KIF1C: variants seen among roughly 807,000 people sequenced by gnomAD.
The protein encoded by KIF1C is kinesin-like protein KIF1C.
Under a neutral mutation model 126.5 loss-of-function variants are expected in KIF1C, and 61 were observed. The observed-to-expected ratio is 0.48, with a 90% CI of 0.39 to 0.60. KIF1C has a LOEUF of 0.60. KIF1C is among the 20% of genes least tolerant of loss of function. KIF1C has a pLI of 0.00. For missense variants in KIF1C, 1,315 were observed against 1,489.2 expected (o/e 0.88, Z 1.93); for synonymous variants, 640 against 580.6 (o/e 1.10, Z -1.47).
chr17:5,002,872 C>T, intron 8 of KIF1C, 30 bp downstream of exon 8: 1 of 1,529,242 alleles, frequency 6.5e-7, no homozygotes, highest in Non-Finnish European at 9.0e-7. Flanking sequence ...CACTCCCCCA[C>T]CGGATGCAAC....
chr17:5,000,408 C>A, intron 3 of KIF1C, 56 bp downstream of exon 3: 2 of 1,205,072 alleles, frequency 1.7e-6, no homozygotes, highest in Non-Finnish European at 2.4e-6. Flanking sequence ...GGGCCCACCA[C>A]ACAGGCCAGT....
rs1975123576 is a variant in KIF1C, at chr17:5,022,806, G to A, written c.2628+97G>A. On this transcript the variant is annotated intron_variant, in intron 22 of 22. Transcript: ENST00000320785. The surrounding 1 kb of genome is among the most constrained non-coding windows in gnomAD (Gnocchi z 4.9). ...CAGAGCCTAACCTTCCCCAAGTCTG[G>A]AAAAAATTGCATTGAAGTATAGTAC... 7.2e-7 allele frequency: 1 copy of A among 1,379,480 alleles called. No homozygotes were observed. Among genetic ancestry groups the A allele is most frequent in the African/African-American group, 1.5e-5 (1 of 68,748 alleles). 85.5% of individuals were successfully genotyped at this position (1,379,480 alleles called of 1,614,324 possible).
Position 5,027,151 on chromosome 17 carries a change from C to T in KIF1C, c.*3000C>T, listed in dbSNP as rs956077227. The T allele has an allele frequency of 2.6e-5, 4 of 152,138 alleles. No homozygotes were observed. Among genetic ancestry groups the T allele is most frequent in the Admixed American group, 6.5e-5 (1 of 15,284 alleles). The allele number at this position is 152,138 out of a possible 1,614,324, so 9.4% of individuals were successfully genotyped here. On this transcript the variant is annotated 3_prime_UTR_variant, in exon 23 of 23. Coordinates refer to ENST00000320785, the MANE Select transcript of KIF1C (RefSeq NM_006612.6). ...ATTTTTATTTATTTATTTTTTGAGA[C>T]GGAGTCTCGCTCTGTTGCCTAGGCT...
intron 14 of KIF1C, 51 bp from the exon 15 acceptor site, chr17:5,007,211 TG>T: frequency 6.3e-7 from 1 of 1,574,972 alleles, no homozygotes; most frequent in African/African-American, 1.4e-5. Flanking sequence ...GTCCCTACCC[TG>T]GGTCTGCTTG....
Position 5,004,595 on chromosome 17 carries a change from A to G in KIF1C, c.969A>G (p.Ala323=), listed in dbSNP as rs1215230440. The change falls in exon 12 of 23, where the codon GCA becomes GCG. Residue 323 remains alanine (A), a synonymous_variant. Coordinates refer to ENST00000320785, the MANE Select transcript of KIF1C (RefSeq NM_006612.6). The part of the protein sequence containing the change: ...LGGNSRTAMI[A]ALSPADINYE... ...GGAACTCACGCACAGCCATGATTGC[A>G]GCCCTGAGCCCTGCTGACATCAATT... 1 of 1,614,138 alleles carries G rather than the reference A, an allele frequency of 6.2e-7. No homozygotes were observed. The highest frequency in any genetic ancestry group is 1.1e-5 in the South Asian group (1 of 91,080).
intron 1 of KIF1C, among the ~76,000 whole-genome samples, chr17:4,998,509 T>A (rs1435154046): frequency 6.6e-6 from 1 of 152,152 alleles, no homozygotes; most frequent in Non-Finnish European, 1.5e-5. Flanking sequence ...GGCCGACCCC[T>A]GTCCCTACCT....
At position 5,020,230 on chromosome 17, in the gene KIF1C, C is replaced by A; in HGVS notation, c.1750+151C>A. The stretch of plus-strand genomic sequence containing the variant: ...AAAGAAGGAACTGGGAAGTGAAGGT[C>A]AAGGAGTCAGGTCTTGGTTTCTCTT... On this transcript the variant is annotated intron_variant, in intron 19 of 22. Coordinates refer to ENST00000320785, the MANE Select transcript of KIF1C (RefSeq NM_006612.6). This position sits in a 1 kb window ranked among gnomAD's most constrained non-coding sequence, Gnocchi z 5.8. 1 of 720,262 alleles carries A rather than the reference C, an allele frequency of 1.4e-6. No homozygotes were observed. Among genetic ancestry groups the A allele is most frequent in the Non-Finnish European group, 2.4e-6 (1 of 412,732 alleles). The allele number at this position is 720,262 out of a possible 1,614,324, so 44.6% of individuals were successfully genotyped here. A position where few individuals can be genotyped will look rare whatever the true frequency, so the allele number is the denominator to read the frequency against.
Position 5,015,582 on chromosome 17 carries a change from C to CTTTT in KIF1C, c.1666+768_1666+771dup, listed in dbSNP as rs58961639. On this transcript the variant is annotated intron_variant, in intron 18 of 22. Transcript: ENST00000320785. Reference sequence around the variant, plus strand: ...TACAGGCGTGAGCCACTGCCCCCAGCTTTTTTTTTTTTTTTTTTTTTTTTT... The same window carrying CTTTT: ...TACAGGCGTGAGCCACTGCCCCCAGCTTTTTTTTTTTTTTTTTTTTTTTTTTTTT... Among the ~76,000 whole-genome samples, 26 of 71,246 alleles carry CTTTT rather than the reference C, an allele frequency of 3.6e-4. 2 individuals are homozygous for CTTTT. Among genetic ancestry groups the CTTTT allele is most frequent in the Middle Eastern group, 0.022 (1 of 46 alleles). The allele number at this position is 71,246 out of a possible 152,430, so 46.7% of individuals were successfully genotyped here. A position where few individuals can be genotyped will look rare whatever the true frequency, so the allele number is the denominator to read the frequency against.
Position 5,024,556 on chromosome 17 carries a change from T to G in KIF1C, c.*405T>G. ...CCCTGTCCGTCTGTCTGTCTGTCTG[T>G]GGTGGTTTCTGTTTCTTGGGAGGCA... is the stretch of plus-strand genomic sequence containing the variant. On this transcript the variant is annotated 3_prime_UTR_variant, in exon 23 of 23. Coordinates refer to ENST00000320785, the MANE Select transcript of KIF1C (RefSeq NM_006612.6). 1 of 175,452 alleles carries G rather than the reference T, an allele frequency of 5.7e-6. No homozygotes were observed. The highest frequency in any genetic ancestry group is 1.2e-5 in the Non-Finnish European group (1 of 83,420). 10.9% of individuals were successfully genotyped at this position (175,452 alleles called of 1,614,324 possible).
intron 16 of KIF1C, chr17:5,011,689 C>T (rs1974870117): frequency 6.6e-6 from 1 of 152,046 alleles, no homozygotes; most frequent in South Asian, 2.1e-4. Flanking sequence ...ATCCTTGGAG[C>T]ACTTGGGTGA....
chr17:5,002,061 C>T lies in KIF1C; in HGVS notation c.366C>T (p.Leu122=), dbSNP rs781072913. ...EPGQQGIVPQ[L]CEDLFSRVSE... ...TATTTCCCTGTGTCCCCCTCCAGCT[C>T]TGTGAGGACCTCTTCTCTCGCGTTA... Residue 122 remains leucine (L), a splice_region_variant and synonymous_variant, in exon 6 of 23, where the codon CTC becomes CTT. Transcript: ENST00000320785. 1.5e-5 allele frequency: 25 copies of T among 1,613,884 alleles called. No individual in the cohort carries two copies. Among genetic ancestry groups the T allele is most frequent in the Non-Finnish European group, 1.9e-5 (23 of 1,179,888 alleles).
In KIF1C at chr17:5,002,856, C is replaced by CG. The variant is rs752137516; in HGVS notation, c.720+14_720+15insG. ...GACTCGGAGAAGGTGGGATCGCCCC[C>CG]CCCCCCACTCCCCCACCGGATGCAA... On this transcript the variant is annotated intron_variant, in intron 8 of 22. Coordinates refer to ENST00000320785, the MANE Select transcript of KIF1C (RefSeq NM_006612.6). 5 of 1,578,910 alleles carry CG rather than the reference C, an allele frequency of 3.2e-6. No individual in the cohort carries two copies. Among genetic ancestry groups the CG allele is most frequent in the Non-Finnish European group, 8.7e-7 (1 of 1,152,978 alleles).
chr17:5,019,898 T>C, intron 18 of KIF1C, 98 bp from the exon 19 acceptor site: 4 of 816,558 alleles, frequency 4.9e-6, no homozygotes, highest in South Asian at 4.4e-5. Flanking sequence ...TGGTGGTGCA[T>C]GTGTGGTTTT....
At position 5,025,374 on chromosome 17, in the gene KIF1C, C is replaced by T. The variant is rs1461156218; in HGVS notation, c.*1223C>T. On this transcript the variant is annotated 3_prime_UTR_variant, in exon 23 of 23. Transcript: ENST00000320785. ...GTTCTGCTTTAAGTCACCTAACTTA[C>T]TTGAAAGGTCTCCCAAGCAGCCAGT... 1 of 152,240 alleles carries T rather than the reference C, an allele frequency of 6.6e-6. No individual in the cohort carries two copies. Among genetic ancestry groups the T allele is most frequent in the Non-Finnish European group, 1.5e-5 (1 of 68,066 alleles). 9.4% of individuals were successfully genotyped at this position (152,240 alleles called of 1,614,324 possible). A position where few individuals can be genotyped will look rare whatever the true frequency, so the allele number is the denominator to read the frequency against.
rs1282479500 is a variant in KIF1C at position 5,024,383 on chromosome 17, C to G, written c.*232C>G. The G allele has an allele frequency of 7.8e-6, 3 of 385,618 alleles. No individual in the cohort carries two copies. Among genetic ancestry groups the G allele is most frequent in the Non-Finnish European group, 1.4e-5 (3 of 217,078 alleles). 23.9% of individuals were successfully genotyped at this position (385,618 alleles called of 1,614,324 possible). ...TGAAGAGAGAGATAGGAAGCTGCCT[C>G]GGGGCCACCCCTTGCAAAGGGGGTG... On this transcript the variant is annotated 3_prime_UTR_variant, in exon 23 of 23. Transcript: ENST00000320785.
Position 5,020,845 on chromosome 17 carries a change from A to G in KIF1C, c.1977A>G (p.Glu659=). The G allele has an allele frequency of 2.5e-6, 4 of 1,589,736 alleles. No homozygotes were observed. The highest frequency in any genetic ancestry group is 3.4e-6 in the Non-Finnish European group (4 of 1,167,744). Residue 659 remains glutamate, a synonymous_variant, in exon 21 of 23, where the codon GAA becomes GAG. Coordinates refer to ENST00000320785, the MANE Select transcript of KIF1C (RefSeq NM_006612.6). This position sits in a 1 kb window ranked among gnomAD's most constrained non-coding sequence, Gnocchi z 5.8. ...DLENQYRKEK[E]EADLLLEQQR... is the part of the protein sequence containing the mutation. ...AGAATCAGTACCGGAAAGAAAAGGA[A>G]GAAGCCGATCTTCTGCTGGAGCAGC...
intron 1 of KIF1C, among the ~76,000 whole-genome samples, chr17:4,999,424 G>A (rs1023476998): frequency 3.9e-4 from 60 of 152,098 alleles, no homozygotes; most frequent in African/African-American, 1.3e-3. Context: ...CTTTAACACC[G>A]TGTGTTTGCT....
intron 16 of KIF1C, among the ~76,000 whole-genome samples, chr17:5,013,443 C>T (rs1309177856): frequency 3.3e-5 from 5 of 151,800 alleles, no homozygotes; most frequent in Non-Finnish European, 2.9e-5. Flanking sequence ...GTCCTGAAGG[C>T]GGTTGGTGTG....
chr17:5,023,978 C>A lies in KIF1C; in HGVS notation c.3139C>A (p.Gln1047Lys), dbSNP rs767353539. Reference protein sequence around the residue: ...GGRSRGAGSAQPEPQHFQPKK... With the variant: ...GGRSRGAGSAKPEPQHFQPKK... ...CCGATCCCGGGGAGCGGGTTCTGCACAGCCTGAACCCCAGCACTTCCAGCC... is the reference window on the plus strand; with the variant it reads ...CCGATCCCGGGGAGCGGGTTCTGCAAAGCCTGAACCCCAGCACTTCCAGCC... Residue 1047 changes from glutamine to lysine, a missense_variant, in exon 23 of 23, where the codon CAG becomes AAG. Coordinates refer to ENST00000320785, the MANE Select transcript of KIF1C (RefSeq NM_006612.6). The surrounding 1 kb of genome is among the most constrained non-coding windows in gnomAD (Gnocchi z 4.2). 1.3e-6 allele frequency: 2 copies of A among 1,590,696 alleles called. No homozygotes were observed. The highest frequency in any genetic ancestry group is 1.3e-5 in the African/African-American group (1 of 74,262).
Sources: gnomAD v4.1 joint callset for allele counts (sites outside exome capture counted in the v4.1 genomes callset) on GRCh38, gnomAD v4.1.1 for gene constraint, Gnocchi (gnomAD v3.1) non-coding constraint, MANE v1.5 for transcripts, NCBI Gene and HGNC (gene_info 2026-07-23, HGNC 2026-07-21) for gene names.